Variants in HEPHL1 observed in about 807,000 individuals in gnomAD.
HEPHL1 encodes the protein hephaestin like 1.
HEPHL1 carries 123 observed loss-of-function variants against 122.0 expected under a neutral mutation model. The ratio of observed to expected loss-of-function variants is 1.01; its 90% CI spans 0.87 to 1.17. HEPHL1 has a LOEUF of 1.17. Among genes scored for constraint, HEPHL1 ranks in the 50% most tolerant of loss-of-function variants. The probability of loss-of-function intolerance (pLI) is 0.00; values close to 1 mark genes in which losing one functional copy is unlikely to be tolerated. For missense variants in HEPHL1, 1,452 were observed against 1,430.5 expected (o/e 1.01, Z -0.24); for synonymous variants, 527 against 508.9 (o/e 1.04, Z -0.48).
intron 1 of HEPHL1, among the ~76,000 whole-genome samples, chr11:94,037,790 G>A (rs1449531640): frequency 6.6e-6 from 1 of 151,746 alleles, no homozygotes; most frequent in Non-Finnish European, 1.5e-5. Context: ...CAGAAAAACT[G>A]GAAACTCTAA....
chr11:94,072,736 C>G (rs1034515054), intron 6 of HEPHL1, among the ~76,000 whole-genome samples: 32 of 152,048 alleles, frequency 2.1e-4, no homozygotes, highest in African/African-American at 7.0e-4. Flanking sequence ...GAACACCATT[C>G]TGGAACTCTA....
At chr11:94,055,221 T>C in intron 2 of HEPHL1, 1 of 267,668 alleles carries the variant, frequency 3.7e-6, no homozygotes, top group Non-Finnish European at 7.5e-6. Flanking sequence ...TGGCCACCTT[T>C]TTCTGCTGCT....
rs148235722 is a variant in HEPHL1, at chr11:94,050,877, T to A, written c.415+4960T>A. 2.8e-3 allele frequency among the ~76,000 whole-genome samples: 422 copies of A among 152,256 alleles called. 3 individuals carry two copies. Among genetic ancestry groups the A allele is most frequent in the African/African-American group, 9.4e-3 (390 of 41,538 alleles). On this transcript the variant is annotated intron_variant, in intron 2 of 19. Coordinates refer to ENST00000315765, the MANE Select transcript of HEPHL1 (RefSeq NM_001098672.2). Reference sequence around the variant, plus strand: ...CTATTCTGTATGAGTTCAATTGTTTTAATTTTTAGTTCCCACAAACAAGTG... The same window carrying A: ...CTATTCTGTATGAGTTCAATTGTTTAAATTTTTAGTTCCCACAAACAAGTG...
At chr11:94,101,092 C>T (rs1946363911) in intron 13 of HEPHL1, 103 bp from the exon 14 acceptor site, 2 of 1,341,656 alleles carry the variant, frequency 1.5e-6, no homozygotes, top group African/African-American at 1.5e-5. Context: ...GGAAAAACAA[C>T]TAAAGCCAAA....
At chr11:94,057,300 C>T (rs574565718) in intron 2 of HEPHL1, among the ~76,000 whole-genome samples, 62 of 152,114 alleles carry the variant, frequency 4.1e-4, no homozygotes, top group Admixed American at 2.4e-3. Context: ...TAATGTTTTT[C>T]ATCAAATTTG....
At chr11:94,034,570 G>T (rs1945704249) in intron 1 of HEPHL1, among the ~76,000 whole-genome samples, 1 of 152,220 alleles carries the variant, frequency 6.6e-6, no homozygotes, top group Admixed American at 6.5e-5. Context: ...ATCAGACCTG[G>T]TGTGACTCCA....
rs772157006 is a variant in HEPHL1, at chr11:94,104,683, G to C, written c.2838G>C (p.Lys946Asn). The C allele has an allele frequency of 5.6e-6, 9 of 1,613,874 alleles. No individual in the cohort carries two copies. The highest frequency in any genetic ancestry group is 7.6e-6 in the Non-Finnish European group (9 of 1,179,762). ...GGTATCTGGATGACAATATTAAGAAGTATCTCAACAAAGATCCACGAGATT... is the reference window on the plus strand; with the variant it reads ...GGTATCTGGATGACAATATTAAGAACTATCTCAACAAAGATCCACGAGATT... ...ESWYLDDNIK[K>N]YLNKDPRDFK... Residue 946 changes from lysine (K) to asparagine (N), a missense_variant, in exon 16 of 20, where the codon AAG becomes AAC. Coordinates refer to ENST00000315765, the MANE Select transcript of HEPHL1 (RefSeq NM_001098672.2).
At chr11:94,052,180 C>T (rs1417773472) in intron 2 of HEPHL1, among the ~76,000 whole-genome samples, 1 of 151,880 alleles carries the variant, frequency 6.6e-6, no homozygotes, top group Non-Finnish European at 1.5e-5. Flanking sequence ...TGAAGACTGT[C>T]ATTGGTATTT....
intron 12 of HEPHL1, among the ~76,000 whole-genome samples, chr11:94,091,447 A>G (rs1271571852): frequency 6.6e-6 from 1 of 152,242 alleles, no homozygotes; most frequent in Non-Finnish European, 1.5e-5. Context: ...GGTCTCCTGA[A>G]AAATGAAAGT....
chr11:94,061,795 A>G (rs994562894), intron 2 of HEPHL1, among the ~76,000 whole-genome samples: 2 of 152,204 alleles, frequency 1.3e-5, no homozygotes, highest in African/African-American at 4.8e-5. Context: ...TCTTGAAAAC[A>G]TTGAAGACAT....
At chr11:94,092,407 T>C (rs929421075) in intron 12 of HEPHL1, among the ~76,000 whole-genome samples, 13 of 152,184 alleles carry the variant, frequency 8.5e-5, no homozygotes, top group African/African-American at 3.1e-4. Flanking sequence ...TGCAGGTACA[T>C]GTAGAGTGGC....
intron 13 of HEPHL1, among the ~76,000 whole-genome samples, chr11:94,094,927 T>C (rs1178112706): frequency 6.6e-6 from 1 of 152,230 alleles, no homozygotes; most frequent in Non-Finnish European, 1.5e-5. Flanking sequence ...TGCAAAAATA[T>C]TCTACCATTC....
At chr11:94,058,951 T>C (rs1945962406) in intron 2 of HEPHL1, among the ~76,000 whole-genome samples, 1 of 152,088 alleles carries the variant, frequency 6.6e-6, no homozygotes, top group Admixed American at 6.6e-5. Context: ...CTAAATTAGT[T>C]CAAAATAGAA....
In HEPHL1 at chr11:94,110,934, A is replaced by G. The variant is rs1278429536; in HGVS notation, c.3077A>G (p.Asp1026Gly). ...IDKSYREDVY[D>G]LFPGTFQTIE... ...AAATCTTACCGAGAAGATGTGTATG[A>G]TCTCTTTCCTGGGACATTCCAAACC... The change falls in exon 18 of 20, where the codon GAT becomes GGT. Residue 1026 changes from aspartate (D) to glycine (G), a missense_variant. Coordinates refer to ENST00000315765, the MANE Select transcript of HEPHL1 (RefSeq NM_001098672.2). The G allele has an allele frequency of 1.9e-6, 3 of 1,612,804 alleles. No homozygotes were observed. Among genetic ancestry groups the G allele is most frequent in the Non-Finnish European group, 2.5e-6 (3 of 1,179,516 alleles).
intron 8 of HEPHL1, among the ~76,000 whole-genome samples, chr11:94,073,714 A>G (rs1055233044): frequency 6.6e-6 from 1 of 152,098 alleles, no homozygotes; most frequent in Non-Finnish European, 1.5e-5. Flanking sequence ...TCTCAGCAAT[A>G]TAGTAAATCT....
chr11:94,108,284 T>C (rs1311387111), intron 17 of HEPHL1, among the ~76,000 whole-genome samples: 3 of 152,274 alleles, frequency 2.0e-5, no homozygotes, highest in Middle Eastern at 3.4e-3. Flanking sequence ...GTTTGAGGGC[T>C]TTATATATTC....
chr11:94,099,641 C>T (rs1006376399), intron 13 of HEPHL1, among the ~76,000 whole-genome samples: 2 of 152,302 alleles, frequency 1.3e-5, no homozygotes, highest in African/African-American at 2.4e-5. Context: ...CAGGCCTCCT[C>T]GAGCTGCGGT....
intron 2 of HEPHL1, among the ~76,000 whole-genome samples, chr11:94,048,283 G>C (rs1945858713): frequency 6.6e-6 from 1 of 152,068 alleles, no homozygotes; most frequent in Non-Finnish European, 1.5e-5. Context: ...GAATAATACT[G>C]CTATAAACAT....
At chr11:94,095,144 CT>C (rs1230445036) in intron 13 of HEPHL1, among the ~76,000 whole-genome samples, 1 of 152,126 alleles carries the variant, frequency 6.6e-6, no homozygotes, top group Non-Finnish European at 1.5e-5. Context: ...ACATTTAAGT[CT>C]TTAATCAATC....
Sources: allele counts gnomAD v4.1 joint callset (sites outside exome capture counted in the v4.1 genomes callset), GRCh38; gene constraint gnomAD v4.1.1; transcripts MANE v1.5; gene names NCBI Gene and HGNC (gene_info 2026-07-23, HGNC 2026-07-21).